The following C19orf18 variants were observed in gnomAD, a reference collection of about 807,000 sequenced individuals.
The protein encoded by C19orf18 is uncharacterized protein C19orf18.
A neutral mutation model predicts 23.3 loss-of-function variants in C19orf18; 21 were observed. The ratio of observed to expected loss-of-function variants is 0.90; its 90% confidence interval spans 0.64 to 1.30. The LOEUF is 1.30. C19orf18 is among the 50% of genes most tolerant of loss of function. C19orf18 has a pLI of 0.00. For synonymous variants in C19orf18, 96 were observed against 95.2 expected (o/e 1.01, Z -0.05); for missense variants, 249 against 259.6 (o/e 0.96, Z 0.28).
At chr19:57,969,429 C>T (rs1280232595) in intron 3 of C19orf18, among the ~76,000 whole-genome samples, 3 of 151,274 alleles carry the variant, frequency 2.0e-5, no homozygotes, top group Non-Finnish European at 4.4e-5. Flanking sequence ...GTGGTGCACA[C>T]CTGCAATCCC....
At chr19:57,959,167 G>A (rs1363006973) in intron 5 of C19orf18, among the ~76,000 whole-genome samples, 1 of 152,144 alleles carries the variant, frequency 6.6e-6, no homozygotes, top group Non-Finnish European at 1.5e-5. Flanking sequence ...TTTCTCTCTA[G>A]AATTTTTTAA....
Position 57,966,554 on chromosome 19 carries a change from C to G in C19orf18, c.347G>C (p.Gly116Ala). The G allele has an allele frequency of 1.9e-6, 3 of 1,610,322 alleles. No individual in the cohort carries two copies. Among genetic ancestry groups the G allele is most frequent in the Non-Finnish European group, 2.5e-6 (3 of 1,176,830 alleles). ...CTATATCATATAGGAGATTGCCATC[C>G]CACATATCAGGGCAATGCTGAAGGC... ...SVAFSIALIC[G>A]MAISYMIYRL... The change falls in exon 4 of 6, where the codon GGG (glycine) becomes GCG (alanine). Residue 116 changes from glycine to alanine, a missense_variant. Physicochemically the swap from Gly to Ala is moderately conservative, Grantham distance 60 (BLOSUM62 0). Coordinates refer to ENST00000314391, the MANE Select transcript of C19orf18 (RefSeq NM_152474.5).
chr19:57,972,992 A>G (rs1181724382), intron 2 of C19orf18, among the ~76,000 whole-genome samples: 2 of 151,842 alleles, frequency 1.3e-5, no homozygotes, highest in African/African-American at 2.4e-5. Flanking sequence ...TACTGAAAAT[A>G]CAAAAATTAG....
chr19:57,964,462 T>G (rs186456483), intron 4 of C19orf18, among the ~76,000 whole-genome samples: 4 of 152,230 alleles, frequency 2.6e-5, no homozygotes, highest in Admixed American at 6.5e-5. Flanking sequence ...TTGTATTTTT[T>G]GTATAGACGC....
chr19:57,960,022 T>C (rs578160522), intron 5 of C19orf18, among the ~76,000 whole-genome samples: 1 of 150,288 alleles, frequency 6.7e-6, no homozygotes, highest in African/African-American at 2.4e-5. Flanking sequence ...GGCAGGAGAA[T>C]TGCTTGAACC....
At chr19:57,972,645 T>TA in intron 2 of C19orf18, 141 bp from the exon 3 acceptor site, 1 of 901,032 alleles carries the variant, frequency 1.1e-6, no homozygotes, top group South Asian at 1.8e-5. Context: ...GATGTGTTAA[T>TA]ACATTCCTCC....
chr19:57,958,836 A>G (rs562883320), intron 5 of C19orf18, 119 bp from the exon 6 acceptor site: 12 of 546,750 alleles, frequency 2.2e-5, no homozygotes, highest in Non-Finnish European at 3.5e-5. Context: ...TTTTCAGAGG[A>G]TTCATAATGA....
At chr19:57,973,690 A>G (rs1011337507) in intron 2 of C19orf18, among the ~76,000 whole-genome samples, 9 of 150,294 alleles carry the variant, frequency 6.0e-5, no homozygotes, top group African/African-American at 1.7e-4. Context: ...GCGCCACTGC[A>G]CTCCAGCCTG....
chr19:57,966,694 T>C lies in C19orf18; in HGVS notation c.269-62A>G, dbSNP rs886313408. On this transcript the variant is annotated intron_variant, in intron 3 of 5. Coordinates refer to ENST00000314391, the MANE Select transcript of C19orf18 (RefSeq NM_152474.5). ...GTTCATTTTAGCTATGTCTTTCAGT[T>C]AATATATTTGTCCTTACAGAGGGGA... The C allele has an allele frequency of 6.9e-6, 8 of 1,153,006 alleles. No homozygotes were observed. The African/African-American group carries it at 1.2e-4, about 18-fold the overall frequency. 71.4% of individuals were successfully genotyped at this position (1,153,006 alleles called of 1,614,324 possible). A position where few individuals can be genotyped will look rare whatever the true frequency, so the allele number is the denominator to read the frequency against.
intron 4 of C19orf18, among the ~76,000 whole-genome samples, chr19:57,963,615 C>G (rs1467800374): frequency 6.6e-6 from 1 of 152,116 alleles, no homozygotes; most frequent in Non-Finnish European, 1.5e-5. Flanking sequence ...AGGCCAAGCA[C>G]AGTGGCTCAC....
At chr19:57,961,888 TTCTC>T (rs901598519) in intron 4 of C19orf18, among the ~76,000 whole-genome samples, 45 of 150,682 alleles carry the variant, frequency 3.0e-4, no homozygotes, top group African/African-American at 7.2e-4. Context: ...CTCTTTTTCT[TTCTC>T]TTTTTTTTCC....
intron 2 of C19orf18, 43 bp downstream of exon 2, chr19:57,974,056 G>C (rs1257712875): frequency 6.3e-7 from 1 of 1,582,670 alleles, no homozygotes; most frequent in Admixed American, 1.7e-5. Context: ...AGGACTCCAG[G>C]CTACGATTCT....
intron 3 of C19orf18, 102 bp from the exon 4 acceptor site, chr19:57,966,734 C>T: frequency 1.4e-6 from 1 of 722,896 alleles, no homozygotes; most frequent in South Asian, 1.7e-5. Flanking sequence ...AAGTCAAAAC[C>T]AGAAACACTT....
chr19:57,962,026 TTCTC>T (rs367842034), intron 4 of C19orf18, among the ~76,000 whole-genome samples: 6 of 150,568 alleles, frequency 4.0e-5, no homozygotes, highest in African/African-American at 9.8e-5. Flanking sequence ...CCCTTTCTCT[TTCTC>T]TCTCTCTTTC....
Position 57,974,140 on chromosome 19 carries a change from G to T in C19orf18, c.185C>A (p.Thr62Asn). ...AGCCCCTTGAATCCCAGGCAACTGG[G>T]TTTTATGAAAGAACACTTTGGGCTC... ...TKEPKVFFHKTQLPGIQGAAS... is the reference protein window; with the variant it reads ...TKEPKVFFHKNQLPGIQGAAS... Residue 62 changes from threonine to asparagine, a missense_variant, in exon 2 of 6, where the codon ACC (threonine) becomes AAC (asparagine). Transcript: ENST00000314391. 6.2e-7 allele frequency: 1 copy of T among 1,614,172 alleles called. No individual in the cohort carries two copies. Among genetic ancestry groups the T allele is most frequent in the Non-Finnish European group, 8.5e-7 (1 of 1,180,034 alleles).
chr19:57,959,616 C>T (rs2072851408), intron 5 of C19orf18, among the ~76,000 whole-genome samples: 1 of 151,588 alleles, frequency 6.6e-6, no homozygotes, highest in Non-Finnish European at 1.5e-5. Flanking sequence ...CAGAGCGAGA[C>T]TCCATCTCAA....
chr19:57,969,582 A>AAAAAAAAAAAAAAAAAC (rs2072931509), intron 3 of C19orf18, among the ~76,000 whole-genome samples: 1 of 148,128 alleles, frequency 6.8e-6, no homozygotes, highest in Admixed American at 6.8e-5. Context: ...AAAAAAAAAA[A>AAAAAAAAAAAAAAAAAC]AAAAAAAAAA....
chr19:57,969,244 T>C lies in C19orf18; in HGVS notation c.269-2612A>G, dbSNP rs1056537257. On this transcript the variant is annotated intron_variant, in intron 3 of 5. Coordinates refer to ENST00000314391, the MANE Select transcript of C19orf18 (RefSeq NM_152474.5). ...GATTAAAATAAATCCCCCAGGTATA[T>C]TTCAACACTCTAGGTTAAAAAGTAA... 4.6e-5 allele frequency among the ~76,000 whole-genome samples: 7 copies of C among 152,090 alleles called. No individual in the cohort carries two copies. In the South Asian group the frequency reaches 1.4e-3, roughly 31 times the overall value.
At chr19:57,964,276 T>C (rs182665823) in intron 4 of C19orf18, among the ~76,000 whole-genome samples, 1 of 152,274 alleles carries the variant, frequency 6.6e-6, no homozygotes, top group East Asian at 1.9e-4. Context: ...ATACAGAAGC[T>C]ACAGTTACAT....
Sources: allele counts gnomAD v4.1 joint callset (sites outside exome capture counted in the v4.1 genomes callset), GRCh38; gene constraint gnomAD v4.1.1; transcripts MANE v1.5; gene names NCBI Gene and HGNC (gene_info 2026-07-23, HGNC 2026-07-21).